The following CDH12 variants were observed in gnomAD, a reference collection of about 807,000 sequenced individuals.
CDH12 encodes cadherin 12.
A neutral mutation model predicts 74.1 loss-of-function variants in CDH12; 41 were observed. The observed-to-expected ratio is 0.55, with a 90% confidence interval of 0.43 to 0.72. The LOEUF is 0.72. Ranked by LOEUF, CDH12 falls within the 30% of genes least tolerant of loss-of-function variation. The probability of loss-of-function intolerance (pLI) is 0.00; values close to 1 mark genes in which losing one functional copy is unlikely to be tolerated. For synonymous variants in CDH12, 399 were observed against 355.0 expected (o/e 1.12, Z -1.39); for missense variants, 945 against 977.2 (o/e 0.97, Z 0.44).
intron 3 of CDH12, among the ~76,000 whole-genome samples, chr5:22,396,677 C>T (rs1742475728): frequency 6.6e-6 from 1 of 152,052 alleles, no homozygotes; most frequent in African/African-American, 2.4e-5. Context: ...CAAGCTTGTT[C>T]TGCCCAAACT....
At chr5:22,516,971 C>T (rs1263554998) in intron 1 of CDH12, among the ~76,000 whole-genome samples, 1 of 151,944 alleles carries the variant, frequency 6.6e-6, no homozygotes, top group Non-Finnish European at 1.5e-5. Context: ...CAATGCAATA[C>T]ATTAATCAGA....
intron 7 of CDH12, among the ~76,000 whole-genome samples, chr5:21,842,802 GCATTC>G (rs1749945980): frequency 6.6e-6 from 1 of 152,166 alleles, no homozygotes; most frequent in South Asian, 2.1e-4. Flanking sequence ...TTCTAAAAAT[GCATTC>G]AATATCTTCA....
chr5:22,810,903 ATATG>A (rs1327233374), intron 1 of CDH12, among the ~76,000 whole-genome samples: 2 of 148,114 alleles, frequency 1.4e-5, no homozygotes, highest in East Asian at 2.0e-4. Context: ...ACAAACAAAT[ATATG>A]TGTGTGTGTG....
chr5:22,776,328 G>T (rs1473568617), intron 1 of CDH12, among the ~76,000 whole-genome samples: 1 of 152,010 alleles, frequency 6.6e-6, no homozygotes, highest in East Asian at 1.9e-4. Context: ...AATTCAACAC[G>T]ATGTTTAGCA....
At chr5:22,659,705 A>G (rs1740246698) in intron 1 of CDH12, among the ~76,000 whole-genome samples, 1 of 152,112 alleles carries the variant, frequency 6.6e-6, no homozygotes, top group Non-Finnish European at 1.5e-5. Context: ...ATACACACAT[A>G]TACATATATA....
chr5:22,517,152 A>G (rs1736848501), intron 1 of CDH12, among the ~76,000 whole-genome samples: 1 of 152,098 alleles, frequency 6.6e-6, no homozygotes, highest in Admixed American at 6.6e-5. Flanking sequence ...TAAAGCCACT[A>G]TTTATAAAAT....
At chr5:22,212,275 C>G (rs1250167788) in intron 4 of CDH12, 3 of 152,298 alleles carry the variant, frequency 2.0e-5, no homozygotes, top group African/African-American at 7.2e-5. Context: ...TTCATGTTCC[C>G]TTTTATTTTC....
intron 1 of CDH12, among the ~76,000 whole-genome samples, chr5:22,625,533 G>C (rs1475074041): frequency 6.6e-6 from 1 of 152,160 alleles, no homozygotes; most frequent in Non-Finnish European, 1.5e-5. Context: ...AAGGGTTGTA[G>C]TGGAGTATGG....
intron 6 of CDH12, among the ~76,000 whole-genome samples, chr5:21,864,146 TG>T (rs1286240583): frequency 1.3e-5 from 2 of 152,034 alleles, no homozygotes; most frequent in African/African-American, 4.8e-5. Context: ...TGTGTGTGTG[TG>T]TGTGCATGTA....
chr5:22,514,890 T>A (rs1373662737), intron 1 of CDH12, among the ~76,000 whole-genome samples: 1 of 152,184 alleles, frequency 6.6e-6, no homozygotes, highest in Non-Finnish European at 1.5e-5. Context: ...GAACCCTACC[T>A]GACATTATTT....
chr5:21,772,385 G>T (rs1161370894), intron 11 of CDH12, among the ~76,000 whole-genome samples: 1 of 151,878 alleles, frequency 6.6e-6, no homozygotes, highest in African/African-American at 2.4e-5. Context: ...CTTATCCTTG[G>T]TTTCTTTTCT....
chr5:22,620,354 G>A (rs1311659656), intron 1 of CDH12, among the ~76,000 whole-genome samples: 1 of 151,922 alleles, frequency 6.6e-6, no homozygotes, highest in Non-Finnish European at 1.5e-5. Flanking sequence ...GAGAGTTGGT[G>A]TATAATGGTT....
intron 1 of CDH12, among the ~76,000 whole-genome samples, chr5:22,578,126 T>C (rs1473710592): frequency 6.6e-6 from 1 of 152,174 alleles, no homozygotes; most frequent in Non-Finnish European, 1.5e-5. Context: ...CATATCTCTC[T>C]TTAAATGGAT....
intron 1 of CDH12, among the ~76,000 whole-genome samples, chr5:22,815,557 G>T (rs1485212024): frequency 1.3e-5 from 2 of 151,902 alleles, no homozygotes; most frequent in African/African-American, 4.8e-5. Context: ...ATAACCTGAG[G>T]TCAGGAGTTC....
intron 4 of CDH12, among the ~76,000 whole-genome samples, chr5:22,097,161 C>T (rs1480892820): frequency 6.6e-6 from 1 of 152,126 alleles, no homozygotes; most frequent in Non-Finnish European, 1.5e-5. Flanking sequence ...GCCCCACAGC[C>T]TAGGATTCCT....
chr5:21,797,184 G>A (rs767005672), intron 10 of CDH12, among the ~76,000 whole-genome samples: 3 of 151,208 alleles, frequency 2.0e-5, no homozygotes, highest in Non-Finnish European at 4.4e-5. Context: ...GCTGTGCTTA[G>A]TGATGATGAT....
At chr5:22,590,404 A>G (rs985281319) in intron 1 of CDH12, among the ~76,000 whole-genome samples, 12 of 152,124 alleles carry the variant, frequency 7.9e-5, no homozygotes, top group African/African-American at 2.9e-4. Flanking sequence ...TCCTATGATT[A>G]AAAAAACATG....
intron 9 of CDH12, 39 bp downstream of exon 9, chr5:21,816,906 T>G (rs1402933295): frequency 8.1e-7 from 1 of 1,228,568 alleles, no homozygotes; most frequent in African/African-American, 1.5e-5. Context: ...TCTTTAATTA[T>G]TATTTAGTAG....
chr5:22,591,023 A>G (rs1358420908), intron 1 of CDH12, among the ~76,000 whole-genome samples: 2 of 152,156 alleles, frequency 1.3e-5, no homozygotes, highest in Non-Finnish European at 2.9e-5. Context: ...TGTAACTCCC[A>G]TTAATGTTGC....
Sources: gnomAD v4.1 joint callset for allele counts (sites outside exome capture counted in the v4.1 genomes callset) on GRCh38, gnomAD v4.1.1 for gene constraint, MANE v1.5 for transcripts, NCBI Gene and HGNC (gene_info 2026-07-23, HGNC 2026-07-21) for gene names.